MGRN1: variants seen among roughly 807,000 people sequenced by gnomAD.
The protein encoded by MGRN1 is mahogunin ring finger 1, also known as E3 ubiquitin-protein ligase MGRN1.
A neutral mutation model predicts 69.2 loss-of-function variants in MGRN1; 29 were observed. The observed-to-expected ratio is 0.42, with a 90% CI of 0.31 to 0.57. MGRN1 has a LOEUF of 0.57. Among genes scored for constraint, MGRN1 ranks in the 20% least tolerant of loss-of-function variants. MGRN1 has a pLI of 0.15. For missense variants in MGRN1, 998 were observed against 796.2 expected, an observed-to-expected ratio of 1.25 and a Z score of -3.05; for synonymous variants, 470 against 344.2, an observed-to-expected ratio of 1.37 and a Z score of -4.04.
intron 2 of MGRN1, 71 bp downstream of exon 2, chr16:4,650,554 C>T: frequency 4.0e-6 from 5 of 1,237,636 alleles, no homozygotes; most frequent in Non-Finnish European, 5.7e-6. Flanking sequence ...GTCCGCATCC[C>T]AGCCATGAGG....
At chr16:4,688,025 C>T (rs1055291192) in intron 16 of MGRN1, 3 of 985,598 alleles carry the variant, frequency 3.0e-6, no homozygotes, top group African/African-American at 3.5e-5. Context: ...CTGGGGAGTG[C>T]AGGTGTGATC....
intron 1 of MGRN1, among the ~76,000 whole-genome samples, chr16:4,630,460 G>GT (rs1029289824): frequency 3.3e-5 from 5 of 149,724 alleles, no homozygotes; most frequent in African/African-American, 5.0e-5. Context: ...GTTGTTGTTG[G>GT]TTTTTTTTGA....
intron 7 of MGRN1, 138 bp downstream of exon 7, chr16:4,665,289 G>GT: frequency 1.2e-6 from 1 of 836,920 alleles, no homozygotes. Flanking sequence ...AGGTTGGGGC[G>GT]TGTCTGTGGC....
intron 5 of MGRN1, among the ~76,000 whole-genome samples, chr16:4,657,804 G>T (rs1428614758): frequency 7.2e-6 from 1 of 139,328 alleles, no homozygotes; most frequent in African/African-American, 2.7e-5. Context: ...GCAGTGCAGT[G>T]GCGCGATCTC....
At chr16:4,687,851 C>T (rs1159514408) in intron 16 of MGRN1, 1 of 985,378 alleles carries the variant, frequency 1.0e-6, no homozygotes, top group African/African-American at 1.7e-5. Context: ...CTCTGCATTC[C>T]CATGAACCTC....
In MGRN1 at chr16:4,673,493, G is replaced by T; in HGVS notation, c.796-5G>T. The T allele has an allele frequency of 6.2e-7, 1 of 1,611,260 alleles. No individual in the cohort carries two copies. Among genetic ancestry groups the T allele is most frequent in the South Asian group, 1.1e-5 (1 of 91,018 alleles). ...CTGCTGACCCACAAGCCCTTGTCCC[G>T]GCAGCCCTCGGACGACGAGAACAGC... On this transcript the variant is annotated splice_region_variant and splice_polypyrimidine_tract_variant and intron_variant, in intron 9 of 16. Transcript: ENST00000262370.
chr16:4,638,240 G>C (rs1478919988), intron 1 of MGRN1, among the ~76,000 whole-genome samples: 1 of 152,090 alleles, frequency 6.6e-6, no homozygotes, highest in African/African-American at 2.4e-5. Flanking sequence ...GCCGAGGCGG[G>C]TGGATTACGA....
rs1469563183 is a variant in MGRN1 at position 4,688,995 on chromosome 16, C to T, written c.*87C>T. The stretch of plus-strand genomic sequence containing the variant: ...CCGGACCCCGTTGTGAGCCGGCCTC[C>T]TGTCTGCATGCCCCCTGTGGCCACC... On this transcript the variant is annotated 3_prime_UTR_variant, in exon 17 of 17. Coordinates refer to ENST00000262370, the MANE Select transcript of MGRN1 (RefSeq NM_015246.4). 4 of 1,446,284 alleles carry T rather than the reference C, an allele frequency of 2.8e-6. No individual in the cohort carries two copies. Among genetic ancestry groups the T allele is most frequent in the African/African-American group, 1.4e-5 (1 of 70,438 alleles). 89.6% of individuals were successfully genotyped at this position (1,446,284 alleles called of 1,614,324 possible).
At chr16:4,672,561 A>G (rs1211449373) in intron 9 of MGRN1, 1 of 428,612 alleles carries the variant, frequency 2.3e-6, no homozygotes, top group African/African-American at 2.0e-5. Context: ...CCACTTTGAG[A>G]AAAGGTTCAG....
At chr16:4,649,831 A>C (rs113937153) in intron 1 of MGRN1, 107 of 154,532 alleles carry the variant, frequency 6.9e-4, no homozygotes, top group Non-Finnish European at 1.1e-3. Flanking sequence ...TGAGGCTGGC[A>C]GTGTGGAGAG....
At chr16:4,654,307 T>G (rs1299618582) in intron 4 of MGRN1, among the ~76,000 whole-genome samples, 1 of 152,184 alleles carries the variant, frequency 6.6e-6, no homozygotes, top group Non-Finnish European at 1.5e-5. Context: ...TGACAAGGGT[T>G]TTAGAGGACT....
chr16:4,664,682 G>A, intron 5 of MGRN1, 27 bp from the exon 6 acceptor site: 1 of 1,613,862 alleles, frequency 6.2e-7, no homozygotes, highest in Non-Finnish European at 8.5e-7. Flanking sequence ...TGTGGGTCCT[G>A]ACCATTCTTG....
In MGRN1 at chr16:4,675,172, A is replaced by G. The variant is rs184898933; in HGVS notation, c.955+1515A>G. Among the ~76,000 whole-genome samples, 187 of 151,164 alleles carry G rather than the reference A, an allele frequency of 1.2e-3. 1 individual carries two copies. The highest frequency in any genetic ancestry group is 4.4e-3 in the African/African-American group (181 of 41,140). ...ATTTTTAGTAGAGATGGGGTTTTAC[A>G]TTGTTGCCCAGTCTGGTCTGAAGCT... On this transcript the variant is annotated intron_variant, in intron 10 of 16. Transcript: ENST00000262370.
intron 1 of MGRN1, among the ~76,000 whole-genome samples, chr16:4,644,258 C>A (rs1465526236): frequency 1.3e-5 from 2 of 150,686 alleles, no homozygotes; most frequent in African/African-American, 4.9e-5. Context: ...TCCCAAAGTG[C>A]TGGGTTTACA....
chr16:4,641,542 C>A lies in MGRN1; in HGVS notation c.89-8823C>A, dbSNP rs540564142. ...TTTTTTTTTTTTTTTTTTAAGACAG[C>A]GTTTTGCTCTTGTTGCCCCAGGCTG... On this transcript the variant is annotated intron_variant, in intron 1 of 16. Transcript: ENST00000262370. 3.2e-4 allele frequency among the ~76,000 whole-genome samples: 45 copies of A among 139,044 alleles called. 1 individual carries two copies. The highest frequency in any genetic ancestry group is 1.2e-3 in the African/African-American group (44 of 36,664). The allele number at this position is 139,044 out of a possible 152,430, so 91.2% of individuals were successfully genotyped here.
chr16:4,650,636 G>A, intron 2 of MGRN1, 153 bp downstream of exon 2: 2 of 602,018 alleles, frequency 3.3e-6, no homozygotes, highest in Non-Finnish European at 5.7e-6. Flanking sequence ...TTGGGTGTGG[G>A]CACGTGCCCT....
rs542182985 is a variant in MGRN1, at chr16:4,651,876, G to T, written c.208-87G>T. The T allele has an allele frequency of 4.3e-6, 5 of 1,173,386 alleles. No individual in the cohort carries two copies. The South Asian group carries it at 6.1e-5, about 14-fold the overall frequency. 72.7% of individuals were successfully genotyped at this position (1,173,386 alleles called of 1,614,324 possible). A position where few individuals can be genotyped will look rare whatever the true frequency, so the allele number is the denominator to read the frequency against. ...GGACTAGATCCCAGGGATACCCTCTGGGGCTGTGGCTGCTGCACCCTGACC... is the reference window on the plus strand; with the variant it reads ...GGACTAGATCCCAGGGATACCCTCTTGGGCTGTGGCTGCTGCACCCTGACC... On this transcript the variant is annotated intron_variant, in intron 2 of 16. Transcript: ENST00000262370.
At chr16:4,675,731 T>A (rs1340367790) in intron 10 of MGRN1, among the ~76,000 whole-genome samples, 2 of 149,724 alleles carry the variant, frequency 1.3e-5, no homozygotes, top group African/African-American at 4.9e-5. Flanking sequence ...AAGACCCTGT[T>A]TCAAAAAAAA....
intron 10 of MGRN1, among the ~76,000 whole-genome samples, chr16:4,674,126 A>G (rs2141954419): frequency 6.6e-6 from 1 of 152,242 alleles, no homozygotes; most frequent in Non-Finnish European, 1.5e-5. Flanking sequence ...CTGGGATTGC[A>G]GGCAACTGCC....
Sources: gnomAD v4.1 joint callset for allele counts (sites outside exome capture counted in the v4.1 genomes callset) on GRCh38, gnomAD v4.1.1 for gene constraint, MANE v1.5 for transcripts, NCBI Gene and HGNC (gene_info 2026-07-23, HGNC 2026-07-21) for gene names.